ERCC6L2: variants seen among roughly 807,000 people sequenced by gnomAD.
The protein encoded by ERCC6L2 is DNA excision repair protein ERCC-6-like 2.
ERCC6L2 carries 77 observed loss-of-function variants against 132.0 expected under a neutral mutation model. The ratio of observed to expected loss-of-function variants is 0.58; its 90% CI spans 0.49 to 0.71. The LOEUF is 0.71. Ranked by LOEUF, ERCC6L2 falls within the 30% of genes least tolerant of loss-of-function variation. The pLI, the probability that ERCC6L2 is intolerant of heterozygous loss-of-function variation, is 0.00. For missense variants in ERCC6L2, 1,542 were observed against 1,837.6 expected (o/e 0.84, Z 2.94); for synonymous variants, 583 against 632.4 (o/e 0.92, Z 1.17).
At chr9:95,881,360 CTTTA>C (rs1827583001) in intron 2 of ERCC6L2, 67 bp downstream of exon 2, 1 of 1,246,522 alleles carries the variant, frequency 8.0e-7, no homozygotes. Flanking sequence ...ATATGTAAAT[CTTTA>C]TTTGTACTGC....
At position 95,948,561 on chromosome 9, in the gene ERCC6L2, G is replaced by A. The variant is rs139167563; in HGVS notation, c.1847+7012G>A. On this transcript the variant is annotated intron_variant, in intron 12 of 18. Transcript: ENST00000653738. ...CCAGCTACTCAGGAGGCTGAGAATC[G>A]TTTGAACCCGGGAGGTGGAGGCTGC... Among the ~76,000 whole-genome samples the A allele has an allele frequency of 5.3e-5, 8 of 152,204 alleles. No individual in the cohort carries two copies. In the East Asian group the frequency reaches 5.8e-4, roughly 11 times the overall value.
intron 2 of ERCC6L2, among the ~76,000 whole-genome samples, chr9:95,895,789 C>T (rs553078398): frequency 4.2e-4 from 63 of 148,972 alleles, no homozygotes; most frequent in Non-Finnish European, 5.3e-4. Context: ...GTGTAGTGCG[C>T]GATCTCGGCT....
At chr9:96,026,825 C>T (rs1834376886) in intron 19 of ERCC6L2, among the ~76,000 whole-genome samples, 1 of 145,236 alleles carries the variant, frequency 6.9e-6, no homozygotes, top group Non-Finnish European at 1.5e-5. Context: ...ACCAAACTCA[C>T]CACACGCACC....
At chr9:95,980,902 G>A (rs1424623886) in intron 17 of ERCC6L2, among the ~76,000 whole-genome samples, 1 of 152,104 alleles carries the variant, frequency 6.6e-6, no homozygotes, top group Non-Finnish European at 1.5e-5. Flanking sequence ...TTCATCTGGG[G>A]CTCAATCTAG....
At chr9:95,950,829 G>A (rs534754047) in intron 12 of ERCC6L2, among the ~76,000 whole-genome samples, 4 of 152,292 alleles carry the variant, frequency 2.6e-5, no homozygotes, top group African/African-American at 7.2e-5. Context: ...CAAATTGTAT[G>A]AAGCAAACAT....
At chr9:95,879,886 C>G (rs1479286864) in intron 1 of ERCC6L2, among the ~76,000 whole-genome samples, 5 of 152,096 alleles carry the variant, frequency 3.3e-5, no homozygotes, top group African/African-American at 9.7e-5. Flanking sequence ...TCCTAGTGTT[C>G]TTATGTTTGT....
intron 1 of ERCC6L2, among the ~76,000 whole-genome samples, chr9:95,878,459 A>G (rs1827406841): frequency 1.3e-5 from 2 of 152,112 alleles, no homozygotes; most frequent in South Asian, 4.1e-4. Context: ...TACCTTGAAA[A>G]GTTGGTTAGA....
chr9:95,905,841 C>G (rs1051267985), intron 3 of ERCC6L2, among the ~76,000 whole-genome samples: 3 of 152,104 alleles, frequency 2.0e-5, no homozygotes, highest in African/African-American at 4.8e-5. Context: ...GAATTTAGAG[C>G]AGTATTGTAT....
chr9:95,979,650 A>G (rs1319948974), intron 17 of ERCC6L2, among the ~76,000 whole-genome samples: 1 of 152,084 alleles, frequency 6.6e-6, no homozygotes, highest in Non-Finnish European at 1.5e-5. Context: ...CCAGACTACA[A>G]CTCGTGAAAG....
chr9:95,942,332 TTAA>T (rs1424342140), intron 12 of ERCC6L2, among the ~76,000 whole-genome samples: 6 of 152,040 alleles, frequency 3.9e-5, no homozygotes, highest in South Asian at 2.1e-4. Context: ...ATGAAACATT[TTAA>T]TAAAATTAAC....
chr9:95,881,332 TG>T, intron 2 of ERCC6L2, 39 bp downstream of exon 2: 3 of 1,413,212 alleles, frequency 2.1e-6, no homozygotes, highest in Non-Finnish European at 2.9e-6. Context: ...CACTTTACTG[TG>T]TACATGAGTG....
chr9:95,956,393 A>AG (rs1831602648), intron 13 of ERCC6L2, among the ~76,000 whole-genome samples: 1 of 152,138 alleles, frequency 6.6e-6, no homozygotes, highest in Non-Finnish European at 1.5e-5. Context: ...TCCCCAAATT[A>AG]CAGGCCAAGA....
In ERCC6L2 at chr9:95,907,826, TACACAC is replaced by T. The variant is rs373670619; in HGVS notation, c.788+580_788+585del. ...GTTGTGAATATAGAGGGGCAAAAAC[TACACAC>T]ACACACACACACACACACACACACC... On this transcript the variant is annotated intron_variant, in intron 4 of 18. Coordinates refer to ENST00000653738, the MANE Select transcript of ERCC6L2 (RefSeq NM_020207.7). 1.5e-3 allele frequency among the ~76,000 whole-genome samples: 61 copies of T among 40,910 alleles called. 1 individual carries two copies. Among genetic ancestry groups the T allele is most frequent in the Non-Finnish European group, 7.1e-4 (13 of 18,282 alleles). The allele number at this position is 40,910 out of a possible 152,430, so 26.8% of individuals were successfully genotyped here.
intron 9 of ERCC6L2, among the ~76,000 whole-genome samples, chr9:95,925,412 A>T (rs924543794): frequency 1.3e-5 from 2 of 152,330 alleles, no homozygotes; most frequent in African/African-American, 4.8e-5. Flanking sequence ...GACCAAGTTG[A>T]GGAAAGTTAA....
chr9:95,915,899 A>G (rs1378133518), intron 5 of ERCC6L2, 70 bp downstream of exon 5: 1 of 1,411,642 alleles, frequency 7.1e-7, no homozygotes, highest in Non-Finnish European at 9.6e-7. Flanking sequence ...TTTGCTAATC[A>G]TTAGTTTCCA....
At position 95,876,063 on chromosome 9, in the gene ERCC6L2, C is replaced by G. The variant is rs951299785; in HGVS notation, c.25C>G (p.Arg9Gly). Residue 9 changes from arginine to glycine, a missense_variant, in exon 1 of 19, where the codon CGC becomes GGC. Physicochemically the swap from Arg to Gly is moderately radical, Grantham distance 125. Transcript: ENST00000653738. MDPSAPQP[R>G]AETSGKDIWH... is the part of the protein sequence containing the mutation. ...GATGGATCCGTCGGCGCCACAGCCCCGCGCGGAAACCTCAGGCAAAGGTAC... is the reference window on the plus strand; with the variant it reads ...GATGGATCCGTCGGCGCCACAGCCCGGCGCGGAAACCTCAGGCAAAGGTAC... 1.9e-6 allele frequency: 3 copies of G among 1,584,060 alleles called. No homozygotes were observed. The highest frequency in any genetic ancestry group is 1.2e-5 in the South Asian group (1 of 86,770).
chr9:95,906,517 G>T (rs550362952), intron 3 of ERCC6L2: 101 of 386,150 alleles, frequency 2.6e-4, no homozygotes, highest in African/African-American at 2.0e-3. Context: ...AATGAATATA[G>T]ATAGGTTATT....
chr9:95,943,946 A>G (rs2149099), intron 12 of ERCC6L2, among the ~76,000 whole-genome samples: 14,170 of 152,270 alleles, frequency 0.093, 763 homozygotes, highest in Admixed American at 0.14. Context: ...GCTGCTGTGG[A>G]AAACAGCATG....
chr9:96,022,829 GC>G (rs113321307), downstream of ERCC6L2, among the ~76,000 whole-genome samples: 1 of 152,056 alleles, frequency 6.6e-6, no homozygotes, highest in Non-Finnish European at 1.5e-5. Flanking sequence ...CAGCCCCGGC[GC>G]CCCCCACAGC....
Sources: allele counts gnomAD v4.1 joint callset (sites outside exome capture counted in the v4.1 genomes callset), GRCh38; gene constraint gnomAD v4.1.1; transcripts MANE v1.5; gene names NCBI Gene and HGNC (gene_info 2026-07-23, HGNC 2026-07-21).